Variants in FAM53A observed in about 807,000 individuals in gnomAD.
FAM53A encodes protein FAM53A.
A neutral mutation model predicts 26.6 loss-of-function variants in FAM53A; 28 were observed. The observed-to-expected ratio is 1.05, with a 90% CI of 0.78 to 1.45. The LOEUF (loss-of-function observed/expected upper bound fraction) is 1.45, where lower values mean the gene tolerates loss of function less well. Ranked by LOEUF, FAM53A falls within the 40% of genes most tolerant of loss-of-function variation. FAM53A has a pLI of 0.00. For synonymous variants in FAM53A, 290 were observed against 253.1 expected (o/e 1.15, Z -1.38); for missense variants, 650 against 575.8 (o/e 1.13, Z -1.32).
the FAM53A span, among the ~76,000 whole-genome samples, chr4:1,592,559 C>T: frequency 6.6e-6 from 1 of 152,158 alleles, no homozygotes; most frequent in Non-Finnish European, 1.5e-5. Flanking sequence ...GCGCCGGCCA[C>T]ACCCAGGGGC....
intron 4 of FAM53A, among the ~76,000 whole-genome samples, chr4:1,652,603 A>G (rs1712953972): frequency 1.4e-5 from 2 of 144,488 alleles, no homozygotes; most frequent in Admixed American, 1.4e-4. Flanking sequence ...CACACCACAC[A>G]TCACTCACCA....
At chr4:1,621,394 G>A (rs538517836) in intron 1 of FAM53A, among the ~76,000 whole-genome samples, 21 of 151,254 alleles carry the variant, frequency 1.4e-4, no homozygotes, top group Admixed American at 4.6e-4. Context: ...ATGAGCCACC[G>A]CGCCCGGTCA....
At chr4:1,621,966 G>A (rs1392564317) in intron 1 of FAM53A, among the ~76,000 whole-genome samples, 2 of 152,182 alleles carry the variant, frequency 1.3e-5, no homozygotes, top group South Asian at 2.1e-4. Context: ...ATTCATGAAC[G>A]AATCGATGCT....
chr4:1,624,749 G>C (rs1715204350), intron 1 of FAM53A, among the ~76,000 whole-genome samples: 1 of 152,230 alleles, frequency 6.6e-6, no homozygotes, highest in African/African-American at 2.4e-5. Context: ...TTTCACGCCA[G>C]ATGACAGCAA....
At chr4:1,606,211 T>TC in the FAM53A span, among the ~76,000 whole-genome samples, 1 of 151,780 alleles carries the variant, frequency 6.6e-6, no homozygotes, top group African/African-American at 2.4e-5. Context: ...GATAATTTTT[T>TC]TTTTTTTGTA....
chr4:1,602,023 G>A, the FAM53A span, among the ~76,000 whole-genome samples: 1,117 of 149,156 alleles, frequency 7.5e-3, 19 homozygotes, highest in African/African-American at 0.027. Context: ...GGGGGAGGTG[G>A]GATGGTGGAG....
chr4:1,599,864 G>A, the FAM53A span, among the ~76,000 whole-genome samples: 1 of 152,208 alleles, frequency 6.6e-6, no homozygotes. The surrounding 1 kb of genome is among the most constrained non-coding windows in gnomAD (Gnocchi z 6.1). Flanking sequence ...GAAAACGGCA[G>A]GGCAGAGGGT....
At chr4:1,669,650 G>C (rs1474181409) in intron 1 of FAM53A, among the ~76,000 whole-genome samples, 2 of 152,204 alleles carry the variant, frequency 1.3e-5, no homozygotes, top group African/African-American at 4.8e-5. Context: ...CAGCTGCCAA[G>C]GACACCTAGT....
chr4:1,613,381 G>A (rs77313102), downstream of FAM53A, among the ~76,000 whole-genome samples: 14 of 152,262 alleles, frequency 9.2e-5, no homozygotes, highest in African/African-American at 2.6e-4. Flanking sequence ...CAAAACCCTC[G>A]GTAAGGGCCC....
chr4:1,677,932 G>C (rs798734), intron 1 of FAM53A, among the ~76,000 whole-genome samples: 39,791 of 151,906 alleles, frequency 0.26, 6,098 homozygotes, highest in Middle Eastern at 0.43. Flanking sequence ...GTGACAGAGT[G>C]AGACTCCATC....
chr4:1,577,459 C>T, the FAM53A span, among the ~76,000 whole-genome samples: 6 of 152,190 alleles, frequency 3.9e-5, no homozygotes, highest in African/African-American at 1.4e-4. Flanking sequence ...CTGCTGGTCT[C>T]ACCTCGTGGA....
the FAM53A span, among the ~76,000 whole-genome samples, chr4:1,584,181 A>C: frequency 6.6e-6 from 1 of 152,138 alleles, no homozygotes; most frequent in Non-Finnish European, 1.5e-5. Context: ...CTTCATTTTG[A>C]TATATTCAAA....
the FAM53A span, among the ~76,000 whole-genome samples, chr4:1,600,602 C>T: frequency 2.6e-5 from 4 of 152,194 alleles, no homozygotes; most frequent in Admixed American, 6.5e-5. Context: ...CGGCACACTG[C>T]GGTCCCCATC....
rs559434167 is a variant in FAM53A at position 1,628,908 on chromosome 4, G to A, written c.432-10797C>T. Among the ~76,000 whole-genome samples the A allele has an allele frequency of 9.2e-5, 14 of 151,812 alleles. No individual in the cohort carries two copies. The East Asian group carries it at 2.3e-3, about 25-fold the overall frequency. On this transcript the variant is annotated intron_variant, in intron 1 of 1. Coordinates refer to the FAM53A transcript ENST00000489029. ...CGCCCACTGCAGGGTCCCCTACTCC[G>A]TAGCCCAAGATAAGGGGGCCTTGGA...
chr4:1,636,142 C>T (rs750099195), downstream of FAM53A, among the ~76,000 whole-genome samples: 31 of 152,148 alleles, frequency 2.0e-4, no homozygotes, highest in Non-Finnish European at 1.3e-4. Flanking sequence ...CCGCCACGCC[C>T]GGCCATGATA....
At chr4:1,644,303 C>T in intron 4 of FAM53A, 3 of 1,535,986 alleles carry the variant, frequency 2.0e-6, no homozygotes, top group Non-Finnish European at 2.6e-6. Flanking sequence ...ACGCCGAGGC[C>T]TCGGACGCGG....
chr4:1,633,021 CACGCTCATGCTCACACGCAT>C (rs1715678316), intron 1 of FAM53A, among the ~76,000 whole-genome samples: 1 of 132,060 alleles, frequency 7.6e-6, no homozygotes, highest in African/African-American at 4.1e-5. Flanking sequence ...CGCATAGGTA[CACGCTCATGCTCACACGCAT>C]AGGTACATGC....
the FAM53A span, among the ~76,000 whole-genome samples, chr4:1,612,583 G>C: frequency 6.6e-6 from 1 of 152,126 alleles, no homozygotes; most frequent in Non-Finnish European, 1.5e-5. Context: ...GCGTAAACAC[G>C]CACATGGCAG....
intron 1 of FAM53A, among the ~76,000 whole-genome samples, chr4:1,680,024 G>A (rs1337705989): frequency 2.2e-4 from 30 of 133,336 alleles, no homozygotes; most frequent in Admixed American, 2.3e-4. Flanking sequence ...CTCCGTCTCA[G>A]AAAAAAAAAA....
Sources: gnomAD v4.1 joint callset for allele counts (sites outside exome capture counted in the v4.1 genomes callset) on GRCh38, gnomAD v4.1.1 for gene constraint, Gnocchi (gnomAD v3.1) non-coding constraint, MANE v1.5 for transcripts, NCBI Gene and HGNC (gene_info 2026-07-23, HGNC 2026-07-21) for gene names.